The following ASPG variants were observed in gnomAD, a reference collection of about 807,000 sequenced individuals.
ASPG encodes asparaginase.
ASPG carries 53 observed loss-of-function variants against 63.2 expected under a neutral mutation model. That is an observed-to-expected ratio of 0.84 (90% CI 0.67 to 1.05). The LOEUF is 1.05. ASPG is among the 50% of genes least tolerant of loss of function. ASPG has a pLI of 0.00. For missense variants in ASPG, 741 were observed against 794.4 expected, an observed-to-expected ratio of 0.93 and a Z score of 0.81; for synonymous variants, 370 against 355.0, an observed-to-expected ratio of 1.04 and a Z score of -0.48.
chr14:104,093,907 G>A (rs936416091), intron 3 of ASPG, among the ~76,000 whole-genome samples: 6 of 149,452 alleles, frequency 4.0e-5, no homozygotes, highest in Admixed American at 6.7e-5. Flanking sequence ...TGTGTTGTGA[G>A]TGGGGCTGTA....
chr14:104,091,778 T>G lies in ASPG; in HGVS notation c.83-855T>G, dbSNP rs2036377159. Among the ~76,000 whole-genome samples the G allele has an allele frequency of 7.0e-6, 1 of 142,688 alleles. No homozygotes were observed. The highest frequency in any genetic ancestry group is 2.6e-5 in the African/African-American group (1 of 38,374). 93.6% of individuals were successfully genotyped at this position (142,688 alleles called of 152,430 possible). Reference sequence around the variant, plus strand: ...GGAAAGCAGGTGACCATGGCTGGGATCTGCAGGATAGGATGGGGCATTGCT... The same window carrying G: ...GGAAAGCAGGTGACCATGGCTGGGAGCTGCAGGATAGGATGGGGCATTGCT... On this transcript the variant is annotated intron_variant, in intron 1 of 15. Coordinates refer to ENST00000551177, the MANE Select transcript of ASPG (RefSeq NM_001080464.3). The surrounding 1 kb of genome is among the most constrained non-coding windows in gnomAD (Gnocchi z 6.4).
chr14:104,093,311 C>T (rs45487897), intron 2 of ASPG, 180 bp from the exon 3 acceptor site: 10,171 of 675,410 alleles, frequency 0.015, 113 homozygotes, highest in Middle Eastern at 0.026. Context: ...GTGGGGAGCT[C>T]CAGGTGGAAG....
chr14:104,104,326 C>T lies in ASPG; in HGVS notation c.776C>T (p.Pro259Leu), dbSNP rs542911305. 2.5e-6 allele frequency: 4 copies of T among 1,612,442 alleles called. No homozygotes were observed. In the African/African-American group the frequency reaches 5.3e-5, roughly 21 times the overall value. The part of the protein sequence containing the change: ...AALVRAFLQP[P>L]LKGVVMETFG... ...CAGGTTCGGGCCTTCTTGCAGCCTC[C>T]CCTGAAGGGCGTGGTCATGGAGACC... The change falls in exon 8 of 16, where the codon CCC (proline) becomes CTC (leucine). Residue 259 changes from proline to leucine, a missense_variant. By Grantham distance (98) the Pro-to-Leu change is moderately conservative (BLOSUM62 -3). Coordinates refer to ENST00000551177, the MANE Select transcript of ASPG (RefSeq NM_001080464.3).
chr14:104,102,907 C>T (rs1374650791), intron 6 of ASPG, among the ~76,000 whole-genome samples: 1 of 152,208 alleles, frequency 6.6e-6, no homozygotes, highest in Non-Finnish European at 1.5e-5. Context: ...CCATCACCCA[C>T]CCTGGGTGTG....
At position 104,097,614 on chromosome 14, in the gene ASPG, G is replaced by C; in HGVS notation, c.490G>C (p.Ala164Pro). Residue 164 changes from alanine to proline, a missense_variant, in exon 5 of 16, where the codon GCT becomes CCT. Ala to Pro is a conservative substitution (Grantham distance 27). Coordinates refer to ENST00000551177, the MANE Select transcript of ASPG (RefSeq NM_001080464.3). ...RENLLGALLM[A>P]GQYVIPEVCL... is the part of the protein sequence containing the mutation. ...GAACCTGCTGGGGGCACTGCTCATG[G>C]CTGGCCAGTATGTGATCCCAGAGGT... The C allele has an allele frequency of 6.4e-7, 1 of 1,564,720 alleles. No homozygotes were observed. Among genetic ancestry groups the C allele is most frequent in the South Asian group, 1.2e-5 (1 of 84,784 alleles).
intron 3 of ASPG, among the ~76,000 whole-genome samples, chr14:104,094,184 C>A (rs2140990552): frequency 6.6e-6 from 1 of 152,092 alleles, no homozygotes; most frequent in South Asian, 2.1e-4. Flanking sequence ...AGTCGACTTC[C>A]CAGATGAGGA....
intron 3 of ASPG, among the ~76,000 whole-genome samples, chr14:104,093,873 A>G (rs1399889513): frequency 1.6e-4 from 5 of 32,022 alleles, no homozygotes; most frequent in East Asian, 1.8e-3. Context: ...TTGTGTGGGC[A>G]GGGCTGTGTT....
chr14:104,092,231 A>G (rs2036389426), intron 1 of ASPG, among the ~76,000 whole-genome samples: 1 of 152,162 alleles, frequency 6.6e-6, no homozygotes, highest in Non-Finnish European at 1.5e-5. Context: ...GGGACGAGGC[A>G]GGACTTCCAG....
In ASPG at chr14:104,109,861, G is replaced by A. The variant is rs928009180; in HGVS notation, c.1520+546G>A. ...GGCACCAGTGGCCAGTGTGCCTTCC[G>A]ATCTCATGCTGCCGAGTGACCACCG... On this transcript the variant is annotated intron_variant, in intron 13 of 15. Transcript: ENST00000551177. The surrounding 1 kb of genome is among the most constrained non-coding windows in gnomAD (Gnocchi z 4.8). Among the ~76,000 whole-genome samples the A allele has an allele frequency of 3.3e-5, 5 of 152,138 alleles. No homozygotes were observed. Among genetic ancestry groups the A allele is most frequent in the African/African-American group, 1.2e-4 (5 of 41,412 alleles).
Position 104,109,205 on chromosome 14 carries a change from G to A in ASPG, c.1434-24G>A, listed in dbSNP as rs776716630. 1 of 1,611,682 alleles carries A rather than the reference G, an allele frequency of 6.2e-7. No individual in the cohort carries two copies. The highest frequency in any genetic ancestry group is 8.5e-7 in the Non-Finnish European group (1 of 1,179,206). Reference sequence around the variant, plus strand: ...GGGGCTGGGCTGGCCAGGGCAGAAGGTCAGCATGCTCATTCTCACACAGGC... The same window carrying A: ...GGGGCTGGGCTGGCCAGGGCAGAAGATCAGCATGCTCATTCTCACACAGGC... On this transcript the variant is annotated intron_variant, in intron 12 of 15. Transcript: ENST00000551177. The surrounding 1 kb of genome is among the most constrained non-coding windows in gnomAD (Gnocchi z 4.8).
Position 104,113,457 on chromosome 14 carries a change from C to G in ASPG, c.*913C>G, listed in dbSNP as rs1231831116. On this transcript the variant is annotated 3_prime_UTR_variant, in exon 16 of 16. Coordinates refer to ENST00000551177, the MANE Select transcript of ASPG (RefSeq NM_001080464.3). ...TGAAATCGGGGGTGTGGACCCCTGG[C>G]CCCCATCATGTGTGCATGCACTGGC... is the stretch of plus-strand genomic sequence containing the variant. 1 of 152,498 alleles carries G rather than the reference C, an allele frequency of 6.6e-6. No homozygotes were observed. The highest frequency in any genetic ancestry group is 2.4e-5 in the African/African-American group (1 of 41,460). The allele number at this position is 152,498 out of a possible 1,614,324, so 9.4% of individuals were successfully genotyped here.
intron 1 of ASPG, among the ~76,000 whole-genome samples, chr14:104,089,853 C>G: frequency 7.2e-6 from 1 of 138,788 alleles, no homozygotes; most frequent in East Asian, 2.3e-4. Context: ...GAGGCTAAGG[C>G]AGGAGAATTG....
intron 14 of ASPG, 42 bp downstream of exon 14, chr14:104,111,643 C>T (rs1002997549): frequency 6.6e-7 from 1 of 1,506,522 alleles, no homozygotes; most frequent in African/African-American, 1.4e-5. Flanking sequence ...AAGGCTGCCA[C>T]CTCCAGGAAG....
chr14:104,114,409 C>A lies in ASPG; in HGVS notation c.*1865C>A. On this transcript the variant is annotated 3_prime_UTR_variant, in exon 16 of 16. Coordinates refer to ENST00000551177, the MANE Select transcript of ASPG (RefSeq NM_001080464.3). ...CTCCTCACAAGGCTGGGCAGCCAGA[C>A]CCCCATTGTCAGTCCCCTCCAAACC... 1 of 152,350 alleles carries A rather than the reference C, an allele frequency of 6.6e-6. No individual in the cohort carries two copies. Among genetic ancestry groups the A allele is most frequent in the East Asian group, 1.9e-4 (1 of 5,196 alleles). 9.4% of individuals were successfully genotyped at this position (152,350 alleles called of 1,614,324 possible).
chr14:104,092,580 C>A, intron 1 of ASPG, 53 bp from the exon 2 acceptor site: 1 of 1,420,460 alleles, frequency 7.0e-7, no homozygotes, highest in Non-Finnish European at 9.6e-7. Flanking sequence ...AGGGAGGAGG[C>A]GGCCATGGCT....
chr14:104,099,579 ACCGTCGCT>A (rs973077442), intron 6 of ASPG, among the ~76,000 whole-genome samples: 30 of 152,270 alleles, frequency 2.0e-4, no homozygotes, highest in Admixed American at 5.2e-4. Flanking sequence ...TCCCTGGCCT[ACCGTCGCT>A]CCGTCTGGGG....
rs777871908 is a variant in ASPG at position 104,112,553 on chromosome 14, C to T, written c.*9C>T. On this transcript the variant is annotated 3_prime_UTR_variant, in exon 16 of 16. Coordinates refer to ENST00000551177, the MANE Select transcript of ASPG (RefSeq NM_001080464.3). The stretch of plus-strand genomic sequence containing the variant: ...TGCTGCCTGGTGTCTAACCTGAAGG[C>T]GTCCTGCTGCAGTATAAGCCATTCC... 26 of 1,596,338 alleles carry T rather than the reference C, an allele frequency of 1.6e-5. No homozygotes were observed. The highest frequency in any genetic ancestry group is 1.6e-4 in the Middle Eastern group (1 of 6,064).
chr14:104,108,862 T>C, intron 12 of ASPG: 1 of 985,358 alleles, frequency 1.0e-6, no homozygotes, highest in Non-Finnish European at 1.2e-6. Context: ...TCCTCTGAAA[T>C]GGGCTGTCCC....
In ASPG at chr14:104,085,716, A is replaced by AG; in HGVS notation, c.-53dup. 7.0e-7 allele frequency: 1 copy of AG among 1,430,224 alleles called. No individual in the cohort carries two copies. The highest frequency in any genetic ancestry group is 9.2e-7 in the Non-Finnish European group (1 of 1,091,838). The allele number at this position is 1,430,224 out of a possible 1,614,324, so 88.6% of individuals were successfully genotyped here. On this transcript the variant is annotated 5_prime_UTR_variant, in exon 1 of 16. Coordinates refer to ENST00000551177, the MANE Select transcript of ASPG (RefSeq NM_001080464.3). ...CCTCCGCGCAGTCCCTGAGTCCCGC[A>AG]GGCCCTGCGTCCCCGCTGCACACCC...
Sources: gnomAD v4.1 joint callset for allele counts (sites outside exome capture counted in the v4.1 genomes callset) on GRCh38, gnomAD v4.1.1 for gene constraint, Gnocchi (gnomAD v3.1) non-coding constraint, MANE v1.5 for transcripts, NCBI Gene and HGNC (gene_info 2026-07-23, HGNC 2026-07-21) for gene names.